Variants in ABL1 observed in about 807,000 individuals in gnomAD.
ABL1 encodes the protein tyrosine-protein kinase ABL1.
In ABL1, 11 loss-of-function variants were observed where a neutral mutation model predicts 94.7. The ratio of observed to expected loss-of-function variants is 0.12; its 90% CI spans 0.07 to 0.19. ABL1 has a LOEUF of 0.19. Ranked by LOEUF, ABL1 falls within the 10% of genes least tolerant of loss-of-function variation. The probability of loss-of-function intolerance (pLI) is 1.00; values close to 1 mark genes in which losing one functional copy is unlikely to be tolerated. For synonymous variants in ABL1, 656 were observed against 622.4 expected (o/e 1.05, Z -0.80); for missense variants, 1,082 against 1,489.4 (o/e 0.73, Z 4.50).
chr9:130,880,349 T>C lies in ABL1; in HGVS notation c.1514-151T>C. The C allele has an allele frequency of 9.3e-7, 1 of 1,073,720 alleles. No individual in the cohort carries two copies. Among genetic ancestry groups the C allele is most frequent in the Non-Finnish European group, 1.4e-6 (1 of 739,196 alleles). 66.5% of individuals were successfully genotyped at this position (1,073,720 alleles called of 1,614,324 possible). On this transcript the variant is annotated intron_variant, in intron 9 of 10. Coordinates refer to ENST00000318560, the MANE Select transcript of ABL1 (RefSeq NM_005157.6). The surrounding 1 kb of genome is among the most constrained non-coding windows in gnomAD (Gnocchi z 4.4). ...AGCCCTGCAGAGTTCTAAGAAATGC[T>C]AAGGGCTGTTTCTCCGGTATCCACG... is the stretch of plus-strand genomic sequence containing the variant.
intron 1 of ABL1, among the ~76,000 whole-genome samples, chr9:130,741,806 A>G (rs1421098281): frequency 6.6e-6 from 1 of 152,234 alleles, no homozygotes; most frequent in African/African-American, 2.4e-5. Context: ...CCTGTCCTCA[A>G]GCATTTCCAA....
chr9:130,721,461 C>T (rs1831512912), intron 1 of ABL1, among the ~76,000 whole-genome samples: 1 of 152,194 alleles, frequency 6.6e-6, no homozygotes, highest in African/African-American at 2.4e-5. Flanking sequence ...GTAATCCCAG[C>T]ACTTTGGGAG....
intron 1 of ABL1, among the ~76,000 whole-genome samples, chr9:130,828,942 AGGC>A (rs1830461074): frequency 1.3e-5 from 2 of 152,226 alleles, no homozygotes; most frequent in Admixed American, 6.5e-5. Context: ...AATATATGAA[AGGC>A]CATATCATTG....
intron 1 of ABL1, among the ~76,000 whole-genome samples, chr9:130,822,603 T>C (rs1830376212): frequency 6.6e-6 from 1 of 151,994 alleles, no homozygotes; most frequent in African/African-American, 2.4e-5. Flanking sequence ...TTGGAATGGG[T>C]GTGAAGCAGC....
At chr9:130,805,009 T>TTTTG (rs1830106616) in intron 1 of ABL1, among the ~76,000 whole-genome samples, 1 of 152,224 alleles carries the variant, frequency 6.6e-6, no homozygotes, top group Non-Finnish European at 1.5e-5. Context: ...CTTTTAACCT[T>TTTTG]TTTGTTCTGA....
At chr9:130,741,799 G>A (rs1831823190) in intron 1 of ABL1, among the ~76,000 whole-genome samples, 1 of 152,220 alleles carries the variant, frequency 6.6e-6, no homozygotes, top group African/African-American at 2.4e-5. Context: ...GACCATACCT[G>A]TCCTCAAGCA....
intron 1 of ABL1, among the ~76,000 whole-genome samples, chr9:130,812,013 TGG>T (rs1830215971): frequency 7.0e-6 from 1 of 142,016 alleles, no homozygotes; most frequent in South Asian, 2.3e-4. Context: ...ACAGAGCAGA[TGG>T]GACAAATATG....
chr9:130,726,043 G>A (rs767834337), intron 1 of ABL1, among the ~76,000 whole-genome samples: 5 of 151,344 alleles, frequency 3.3e-5, no homozygotes, highest in African/African-American at 1.2e-4. Flanking sequence ...TAGAGACAGA[G>A]TCTTGCTATG....
chr9:130,864,733 G>A (rs1831128160), intron 4 of ABL1, among the ~76,000 whole-genome samples: 1 of 152,178 alleles, frequency 6.6e-6, no homozygotes, highest in South Asian at 2.1e-4. Flanking sequence ...GGGGGTGAAC[G>A]AAGGAGGGAC....
intron 1 of ABL1, among the ~76,000 whole-genome samples, chr9:130,819,066 T>C (rs1313938967): frequency 6.6e-6 from 1 of 152,184 alleles, no homozygotes; most frequent in Admixed American, 6.5e-5. Flanking sequence ...AGAAATTGTC[T>C]CATCCTGCCG....
At chr9:130,844,185 G>A (rs192256524) in intron 1 of ABL1, among the ~76,000 whole-genome samples, 1 of 152,304 alleles carries the variant, frequency 6.6e-6, no homozygotes, top group East Asian at 1.9e-4. Context: ...ACCTGGTCAG[G>A]TCTGCATTTG....
chr9:130,801,331 G>A lies in ABL1; in HGVS notation c.137-52733G>A, dbSNP rs1362305516. ...CAACCTCCACCTCCTGGGTTCAAGC[G>A]AGTCTCCTGCCTCAGCCTCCCGAGC... is the stretch of plus-strand genomic sequence containing the variant. On this transcript the variant is annotated intron_variant, in intron 1 of 10. Transcript: ENST00000372348. 4.6e-5 allele frequency among the ~76,000 whole-genome samples: 7 copies of A among 151,972 alleles called. No individual in the cohort carries two copies. The East Asian group carries it at 5.8e-4, about 13-fold the overall frequency.
intron 7 of ABL1, among the ~76,000 whole-genome samples, chr9:130,877,599 T>C (rs1247098772): frequency 6.8e-6 from 1 of 147,292 alleles, no homozygotes; most frequent in East Asian, 1.9e-4. Context: ...CTAGCATGTT[T>C]GTGGGGTAAG....
chr9:130,784,794 CTCTT>C (rs1211356867), intron 1 of ABL1, among the ~76,000 whole-genome samples: 4 of 152,244 alleles, frequency 2.6e-5, no homozygotes, highest in Non-Finnish European at 4.4e-5. Context: ...GAACTTCACT[CTCTT>C]TCTTACTAGT....
intron 6 of ABL1, among the ~76,000 whole-genome samples, chr9:130,874,362 CTTTGT>C (rs1422148450): frequency 2.0e-5 from 3 of 152,072 alleles, no homozygotes; most frequent in African/African-American, 7.2e-5. Context: ...ATGCCATGGG[CTTTGT>C]TTTATTTTGT....
intron 4 of ABL1, among the ~76,000 whole-genome samples, chr9:130,864,726 G>T (rs774854079): frequency 2.0e-5 from 3 of 152,208 alleles, no homozygotes; most frequent in Admixed American, 2.0e-4. Context: ...ACCACCAGGG[G>T]GTGAACGAAG....
At chr9:130,856,890 G>A (rs1054648575) in intron 3 of ABL1, among the ~76,000 whole-genome samples, 2 of 152,176 alleles carry the variant, frequency 1.3e-5, no homozygotes, top group Non-Finnish European at 2.9e-5. Context: ...TTGACTTTTA[G>A]GTTGTTTCCA....
At chr9:130,830,621 C>T (rs1484893101), upstream of ABL1, among the ~76,000 whole-genome samples, 3 of 152,188 alleles carry the variant, frequency 2.0e-5, no homozygotes, top group Non-Finnish European at 4.4e-5. Context: ...AATTTGAGCT[C>T]TTGACTGAGT....
rs549271717 is a variant in ABL1, at chr9:130,861,032, G to A, written c.550-1731G>A. ...TGTGTGCACGTTCGTGGGTCTGAGC[G>A]TGACTCATGGTGTGTGTCCCTAGAG... On this transcript the variant is annotated intron_variant, in intron 3 of 10. Transcript: ENST00000318560. Among the ~76,000 whole-genome samples the A allele has an allele frequency of 2.6e-5, 4 of 152,282 alleles. No individual in the cohort carries two copies. In the East Asian group the frequency reaches 7.7e-4, roughly 29 times the overall value.
Sources: allele counts gnomAD v4.1 joint callset (sites outside exome capture counted in the v4.1 genomes callset), GRCh38; gene constraint gnomAD v4.1.1; non-coding constraint Gnocchi (gnomAD v3.1); transcripts MANE v1.5; gene names NCBI Gene and HGNC (gene_info 2026-07-23, HGNC 2026-07-21).